Variants in SLC39A11 observed in about 807,000 individuals in gnomAD.
SLC39A11 encodes the protein zinc transporter ZIP11.
Under a neutral mutation model 36.1 loss-of-function variants are expected in SLC39A11, and 33 were observed. That is an observed-to-expected ratio of 0.91 (90% CI 0.69 to 1.22). SLC39A11 has a LOEUF of 1.22. Ranked by LOEUF, SLC39A11 falls within the 50% of genes most tolerant of loss-of-function variation. The pLI, the probability that SLC39A11 is intolerant of heterozygous loss-of-function variation, is 0.00. For synonymous variants in SLC39A11, 166 were observed against 170.3 expected (o/e 0.97, Z 0.20); for missense variants, 432 against 430.3 (o/e 1.00, Z -0.03).
At chr17:72,687,348 C>T (rs1037180302) in intron 7 of SLC39A11, among the ~76,000 whole-genome samples, 5 of 152,042 alleles carry the variant, frequency 3.3e-5, no homozygotes, top group East Asian at 1.9e-4. Flanking sequence ...CTCCGCCTTC[C>T]GGCTCCTGCC....
intron 7 of SLC39A11, among the ~76,000 whole-genome samples, chr17:72,711,096 T>C (rs375415433): frequency 1.3e-5 from 2 of 152,146 alleles, no homozygotes; most frequent in African/African-American, 4.8e-5. Context: ...GCCTCTCCCT[T>C]TCCTCCTTCC....
At chr17:72,960,032 G>A (rs1310922108) in intron 4 of SLC39A11, among the ~76,000 whole-genome samples, 1 of 152,178 alleles carries the variant, frequency 6.6e-6, no homozygotes, top group Non-Finnish European at 1.5e-5. Context: ...ACAGGGTTTT[G>A]TTTAATCCTA....
At chr17:72,849,432 G>A (rs987654272) in intron 6 of SLC39A11, among the ~76,000 whole-genome samples, 4 of 152,146 alleles carry the variant, frequency 2.6e-5, no homozygotes, top group Admixed American at 6.6e-5. Context: ...TAAACTAACC[G>A]GAATGGGAAG....
At chr17:72,827,619 G>A (rs2078084492) in intron 6 of SLC39A11, among the ~76,000 whole-genome samples, 1 of 152,190 alleles carries the variant, frequency 6.6e-6, no homozygotes, top group South Asian at 2.1e-4. Context: ...CTTTGGGAAG[G>A]GACCAACAGG....
intron 7 of SLC39A11, among the ~76,000 whole-genome samples, chr17:72,693,422 C>T (rs983579243): frequency 6.6e-6 from 1 of 152,246 alleles, no homozygotes; most frequent in South Asian, 2.1e-4. Context: ...ATGCTTTAAA[C>T]AGGCAGCTGC....
At chr17:72,859,404 T>G (rs1014722076) in intron 5 of SLC39A11, among the ~76,000 whole-genome samples, 2 of 152,150 alleles carry the variant, frequency 1.3e-5, no homozygotes, top group South Asian at 2.1e-4. Context: ...CATTGTTTAT[T>G]TGAAGTTCAA....
intron 4 of SLC39A11, among the ~76,000 whole-genome samples, chr17:72,949,485 C>T (rs1385315650): frequency 6.6e-6 from 1 of 151,918 alleles, no homozygotes; most frequent in Non-Finnish European, 1.5e-5. Context: ...AGAAATGTAT[C>T]ACAGTTTCTG....
At chr17:72,813,867 T>C (rs1196430481) in intron 6 of SLC39A11, among the ~76,000 whole-genome samples, 1 of 151,998 alleles carries the variant, frequency 6.6e-6, no homozygotes, top group Non-Finnish European at 1.5e-5. Context: ...AAGGCTAGAG[T>C]CTACCTCCGT....
chr17:72,726,864 T>C (rs1034213286), intron 7 of SLC39A11, among the ~76,000 whole-genome samples: 2 of 152,246 alleles, frequency 1.3e-5, no homozygotes, highest in East Asian at 3.8e-4. Flanking sequence ...TAATGGGCTA[T>C]ACTACATCCA....
intron 6 of SLC39A11, among the ~76,000 whole-genome samples, chr17:72,812,314 C>A (rs2077458105): frequency 6.6e-6 from 1 of 152,136 alleles, no homozygotes; most frequent in African/African-American, 2.4e-5. Context: ...CTTTAAGAAT[C>A]ATCACTGCTG....
At chr17:73,004,232 A>AAAGAAAGAAAGAAAAAAGAAAGAAAG in intron 4 of SLC39A11, among the ~76,000 whole-genome samples, 3 of 88,644 alleles carry the variant, frequency 3.4e-5, no homozygotes, top group African/African-American at 1.3e-4. Flanking sequence ...AGAAAGAAAG[A>AAAGAAAGAAAGAAAAAAGAAAGAAAG]AAAGAAAGAA....
chr17:73,063,280 T>C (rs142415549), intron 3 of SLC39A11, among the ~76,000 whole-genome samples: 2 of 150,724 alleles, frequency 1.3e-5, no homozygotes, highest in African/African-American at 2.5e-5. Flanking sequence ...TTAGCACTAA[T>C]GGCAATCAGA....
At chr17:73,030,518 A>C (rs2058705090) in intron 4 of SLC39A11, among the ~76,000 whole-genome samples, 1 of 152,190 alleles carries the variant, frequency 6.6e-6, no homozygotes, top group Non-Finnish European at 1.5e-5. Flanking sequence ...CCCGGGGTAC[A>C]TGACCACTGA....
At chr17:72,718,504 A>G (rs2073509628) in intron 7 of SLC39A11, among the ~76,000 whole-genome samples, 1 of 152,128 alleles carries the variant, frequency 6.6e-6, no homozygotes, top group African/African-American at 2.4e-5. Context: ...TCATAATGGG[A>G]GATTAGACAT....
intron 6 of SLC39A11, among the ~76,000 whole-genome samples, chr17:72,789,162 G>A (rs893375442): frequency 1.3e-5 from 2 of 151,864 alleles, no homozygotes; most frequent in Non-Finnish European, 2.9e-5. Flanking sequence ...AGCCTCCAGA[G>A]CAGCTGAGAC....
chr17:72,709,428 A>G (rs1481237413), intron 7 of SLC39A11, among the ~76,000 whole-genome samples: 2 of 152,160 alleles, frequency 1.3e-5, no homozygotes, highest in East Asian at 1.9e-4. Flanking sequence ...GTGCTCACCA[A>G]TTGGCCCAGG....
At chr17:72,726,172 G>A (rs989811490) in intron 7 of SLC39A11, among the ~76,000 whole-genome samples, 1 of 152,158 alleles carries the variant, frequency 6.6e-6, no homozygotes, top group Non-Finnish European at 1.5e-5. Flanking sequence ...TGCTGCCTGG[G>A]GCAGGTCTAG....
At chr17:72,799,655 C>A (rs1290266782) in intron 6 of SLC39A11, among the ~76,000 whole-genome samples, 1 of 152,122 alleles carries the variant, frequency 6.6e-6, no homozygotes, top group African/African-American at 2.4e-5. Flanking sequence ...TGGTCTCCTG[C>A]AGTACCCTCA....
chr17:72,911,684 C>T (rs1415729013), intron 5 of SLC39A11, among the ~76,000 whole-genome samples: 9 of 152,194 alleles, frequency 5.9e-5, no homozygotes, highest in Admixed American at 5.9e-4. Context: ...CCATTCTGAG[C>T]CCAGGCTGGA....
Sources: gnomAD v4.1 joint callset for allele counts (sites outside exome capture counted in the v4.1 genomes callset) on GRCh38, gnomAD v4.1.1 for gene constraint, MANE v1.5 for transcripts, NCBI Gene and HGNC (gene_info 2026-07-23, HGNC 2026-07-21) for gene names.